The following OPHN1 variants were observed in gnomAD, a reference collection of about 807,000 sequenced individuals.
The protein encoded by OPHN1 is oligophrenin 1.
OPHN1 carries 11 observed loss-of-function variants against 60.7 expected under a neutral mutation model. The ratio of observed to expected loss-of-function variants is 0.18; its 90% CI spans 0.11 to 0.30. OPHN1 has a LOEUF of 0.30. Among genes scored for constraint, OPHN1 ranks in the 10% least tolerant of loss-of-function variants. The probability of loss-of-function intolerance (pLI) is 1.00; values close to 1 mark genes in which losing one functional copy is unlikely to be tolerated. For synonymous variants in OPHN1, 226 were observed against 222.6 expected (o/e 1.02, Z -0.14); for missense variants, 449 against 611.0 (o/e 0.73, Z 2.80).
intron 2 of OPHN1, among the ~76,000 whole-genome samples, chrX:68,324,827 A>G (rs1486498492): frequency 1.9e-5 from 2 of 107,927 alleles, no homozygotes; most frequent in Non-Finnish European, 3.8e-5. Flanking sequence ...GGATTGCTTG[A>G]GCCCAGGAGT....
chrX:68,224,193 T>A (rs1003766091), intron 6 of OPHN1, among the ~76,000 whole-genome samples: 1 of 111,740 alleles, frequency 8.9e-6, no homozygotes, highest in Non-Finnish European at 1.9e-5. Context: ...ATAGACCACA[T>A]TCTGGGACAT....
chrX:68,266,104 G>T (rs1401704897), intron 5 of OPHN1, among the ~76,000 whole-genome samples: 1 of 111,704 alleles, frequency 9.0e-6, no homozygotes, highest in Non-Finnish European at 1.9e-5. Flanking sequence ...AAAACACTCT[G>T]CAGGATATTA....
intron 5 of OPHN1, among the ~76,000 whole-genome samples, chrX:68,240,775 T>G (rs1280541665): frequency 9.0e-6 from 1 of 111,476 alleles, no homozygotes; most frequent in Non-Finnish European, 1.9e-5. Context: ...GTTTTGTCAC[T>G]TCGGGTAGGT....
intron 15 of OPHN1, among the ~76,000 whole-genome samples, chrX:68,124,541 G>A (rs1343466444): frequency 1.8e-5 from 2 of 111,141 alleles, no homozygotes; most frequent in Non-Finnish European, 3.8e-5. Context: ...CTGCACTATG[G>A]ACCAAATGGA....
intron 6 of OPHN1, among the ~76,000 whole-genome samples, chrX:68,217,893 C>G (rs1456645060): frequency 9.5e-6 from 1 of 105,414 alleles, no homozygotes; most frequent in Admixed American, 1.1e-4. Context: ...CAAAGGAACA[C>G]AGTTCCTCAC....
At chrX:68,088,273 G>A (rs1051874856) in intron 19 of OPHN1, among the ~76,000 whole-genome samples, 4 of 110,975 alleles carry the variant, frequency 3.6e-5, no homozygotes, top group African/African-American at 6.6e-5. Flanking sequence ...ATATCTAACC[G>A]GTCTGTAATC....
At chrX:68,205,309 G>T (rs980266807) in intron 10 of OPHN1, among the ~76,000 whole-genome samples, 2 of 110,984 alleles carry the variant, frequency 1.8e-5, no homozygotes, top group African/African-American at 6.6e-5. Context: ...TTAGCTGGGT[G>T]TGGTGGTGCA....
chrX:68,379,822 C>T (rs767571092), intron 2 of OPHN1, among the ~76,000 whole-genome samples: 3 of 103,648 alleles, frequency 2.9e-5, no homozygotes, highest in Non-Finnish European at 5.7e-5. Flanking sequence ...TGCTGGATTC[C>T]GTTTGCCAGT....
intron 15 of OPHN1, among the ~76,000 whole-genome samples, chrX:68,127,340 C>A (rs1383799797): frequency 9.0e-6 from 1 of 111,393 alleles, no homozygotes; most frequent in East Asian, 2.8e-4. Flanking sequence ...TAATGAAGGA[C>A]AAAAATTATT....
intron 2 of OPHN1, among the ~76,000 whole-genome samples, chrX:68,324,727 T>C (rs1417933554): frequency 5.5e-5 from 6 of 108,714 alleles, no homozygotes; most frequent in Non-Finnish European, 9.5e-5. Context: ...TAAGAAAAAA[T>C]GTGCATGAAT....
chrX:68,182,893 C>T (rs937039456), intron 15 of OPHN1, among the ~76,000 whole-genome samples: 1 of 111,743 alleles, frequency 8.9e-6, no homozygotes, highest in Non-Finnish European at 1.9e-5. Context: ...GCCTGGGCAA[C>T]AGAGTGAGAC....
intron 5 of OPHN1, among the ~76,000 whole-genome samples, chrX:68,264,883 C>A (rs1185444570): frequency 8.9e-6 from 1 of 112,600 alleles, no homozygotes; most frequent in Non-Finnish European, 1.9e-5. Flanking sequence ...AGATTATATC[C>A]CATGCATGGC....
chrX:68,078,345 G>C (rs1173289614), intron 19 of OPHN1, among the ~76,000 whole-genome samples: 1 of 111,425 alleles, frequency 9.0e-6, no homozygotes, highest in Non-Finnish European at 1.9e-5. Flanking sequence ...GAATAATGAA[G>C]AGGAATAACA....
chrX:68,266,943 A>G (rs1569263544), intron 5 of OPHN1, among the ~76,000 whole-genome samples: 1 of 111,905 alleles, frequency 8.9e-6, no homozygotes, highest in Non-Finnish European at 1.9e-5. Context: ...GCCATTACAT[A>G]ATGGTAAAGG....
At position 68,045,086 on chromosome X, in the gene OPHN1, C is replaced by A. The variant is rs1411256986; in HGVS notation, c.*2086G>T. 9.0e-6 allele frequency: 1 copy of A among 111,152 alleles called. No homozygotes were observed. Among genetic ancestry groups the A allele is most frequent in the Non-Finnish European group, 1.9e-5 (1 of 53,009 alleles). The allele number at this position is 111,152 out of a possible 1,213,427, so 9.2% of individuals were successfully genotyped here. ...GGAGGCCACAGCCCTGAAACAAGGGCTCAAAAATCACTTCCTAGGTGAGGT... is the reference window on the plus strand; with the variant it reads ...GGAGGCCACAGCCCTGAAACAAGGGATCAAAAATCACTTCCTAGGTGAGGT... On this transcript the variant is annotated 3_prime_UTR_variant, in exon 25 of 25. Coordinates refer to ENST00000355520, the MANE Select transcript of OPHN1 (RefSeq NM_002547.3).
chrX:68,183,008 A>G (rs2077445410), intron 15 of OPHN1, among the ~76,000 whole-genome samples: 1 of 112,190 alleles, frequency 8.9e-6, no homozygotes, highest in Non-Finnish European at 1.9e-5. Flanking sequence ...TGACAACAGT[A>G]TCTGTTCCAA....
intron 5 of OPHN1, among the ~76,000 whole-genome samples, chrX:68,257,041 T>TA (rs200274183): frequency 8.9e-4 from 78 of 87,582 alleles, no homozygotes; most frequent in East Asian, 4.9e-3. Context: ...CAAAAAAAAT[T>TA]AAAAAAAAAA....
chrX:68,207,588 A>T (rs777119387), intron 9 of OPHN1, among the ~76,000 whole-genome samples: 12 of 111,206 alleles, frequency 1.1e-4, no homozygotes, highest in Non-Finnish European at 1.9e-4. Flanking sequence ...CTTTTCCTAG[A>T]TTATTTTTAA....
chrX:68,091,424 T>C (rs1447404132), intron 19 of OPHN1, among the ~76,000 whole-genome samples: 1 of 111,092 alleles, frequency 9.0e-6, no homozygotes, highest in African/African-American at 3.3e-5. Flanking sequence ...TAAAAGTTTG[T>C]GGCTGGTATC....
Sources: allele counts gnomAD v4.1 joint callset (sites outside exome capture counted in the v4.1 genomes callset), GRCh38; gene constraint gnomAD v4.1.1; transcripts MANE v1.5; gene names NCBI Gene and HGNC (gene_info 2026-07-23, HGNC 2026-07-21).